Variants in LINGO1 observed in about 807,000 individuals in gnomAD.
The protein encoded by LINGO1 is leucine rich repeat and Ig domain containing 1.
In LINGO1, 11 loss-of-function variants were observed where a neutral mutation model predicts 37.3. The observed-to-expected ratio is 0.29, with a 90% CI of 0.19 to 0.49. LINGO1 has a LOEUF of 0.49. Among genes scored for constraint, LINGO1 ranks in the 20% least tolerant of loss-of-function variants. LINGO1 has a pLI of 0.99. For synonymous variants in LINGO1, 387 were observed against 403.0 expected (o/e 0.96, Z 0.48); for missense variants, 585 against 878.2 (o/e 0.67, Z 4.22).
chr15:77,639,633 G>A (rs1407019267), intron 3 of LINGO1, among the ~76,000 whole-genome samples: 1 of 152,168 alleles, frequency 6.6e-6, no homozygotes, highest in Admixed American at 6.5e-5. Flanking sequence ...GGAATACTAT[G>A]CAGCAGTGAA....
chr15:77,692,410 C>A (rs2075619902), intron 1 of LINGO1, among the ~76,000 whole-genome samples: 1 of 152,324 alleles, frequency 6.6e-6, no homozygotes, highest in African/African-American at 2.4e-5. Context: ...GGAGTGGAAA[C>A]ACGGACGGAG....
chr15:77,725,234 G>A (rs1028874444), intron 2 of LINGO1, among the ~76,000 whole-genome samples: 11 of 152,180 alleles, frequency 7.2e-5, no homozygotes, highest in Admixed American at 5.2e-4. Flanking sequence ...TTTTCCCATC[G>A]GTACTTATTC....
At chr15:77,747,708 C>A (rs909265546) in intron 1 of LINGO1, among the ~76,000 whole-genome samples, 1 of 152,216 alleles carries the variant, frequency 6.6e-6, no homozygotes, top group African/African-American at 2.4e-5. Flanking sequence ...CAGAGCCAGG[C>A]GGGCCCCCGC....
chr15:77,738,791 GGAAGGAAGGAAGGAAGGAAGGAAA>G (rs2076229017), intron 1 of LINGO1, among the ~76,000 whole-genome samples: 1 of 151,814 alleles, frequency 6.6e-6, no homozygotes, highest in Non-Finnish European at 1.5e-5. Context: ...AAGGAAGGAA[GGAAGGAAGGAAGGAAGGAAGGAAA>G]GAAGGAAGGA....
intron 2 of LINGO1, among the ~76,000 whole-genome samples, chr15:77,794,578 ATATATATATATATTTT>A (rs750191890): frequency 0.058 from 1,817 of 31,146 alleles, 174 homozygotes; most frequent in Admixed American, 0.11. Flanking sequence ...ACACATATAT[ATATATATATATATTTT>A]TTTTTTTTTT....
chr15:77,671,477 G>A (rs1326233245), intron 3 of LINGO1, among the ~76,000 whole-genome samples: 2 of 152,222 alleles, frequency 1.3e-5, no homozygotes, highest in Non-Finnish European at 2.9e-5. Flanking sequence ...TTGGGCAGCC[G>A]GTTACCTTCA....
At chr15:77,810,582 C>T (rs1044297741) in intron 1 of LINGO1, among the ~76,000 whole-genome samples, 3 of 152,170 alleles carry the variant, frequency 2.0e-5, no homozygotes, top group African/African-American at 7.2e-5. Flanking sequence ...GACTTATTGC[C>T]AAGGCTCTGC....
intron 2 of LINGO1, among the ~76,000 whole-genome samples, chr15:77,724,843 AC>A (rs1414437726): frequency 6.6e-6 from 1 of 152,120 alleles, no homozygotes; most frequent in African/African-American, 2.4e-5. Flanking sequence ...CCCACAGTCT[AC>A]CTTGGCAGAC....
At chr15:77,660,782 T>C (rs1322972914) in intron 3 of LINGO1, among the ~76,000 whole-genome samples, 1 of 151,420 alleles carries the variant, frequency 6.6e-6, no homozygotes, top group Admixed American at 6.6e-5. Flanking sequence ...GTCTGTAGTT[T>C]TCCCAGTGTC....
intron 3 of LINGO1, among the ~76,000 whole-genome samples, chr15:77,668,778 A>C (rs2075189891): frequency 6.9e-6 from 1 of 145,010 alleles, no homozygotes; most frequent in Non-Finnish European, 1.5e-5. Context: ...TGCCCTGGGG[A>C]GCTCACAGGG....
intron 1 of LINGO1, among the ~76,000 whole-genome samples, chr15:77,742,873 G>A (rs564347837): frequency 6.6e-6 from 1 of 152,272 alleles, no homozygotes; most frequent in East Asian, 1.9e-4. Context: ...TCAGCAGCTA[G>A]GTGTGGACCA....
At position 77,801,592 on chromosome 15, in the gene LINGO1, G is replaced by C. The variant is rs2076919086; in HGVS notation, c.-457-5539C>G. Among the ~76,000 whole-genome samples the C allele has an allele frequency of 2.1e-5, 3 of 142,572 alleles. No homozygotes were observed. The East Asian group carries it at 6.6e-4, about 31-fold the overall frequency. 93.5% of individuals were successfully genotyped at this position (142,572 alleles called of 152,430 possible). The stretch of plus-strand genomic sequence containing the variant: ...AAACAAAATCAATAAAGAGTTAATG[G>C]GTTTTTTTTTTTTAATCCTTCTCAG... On this transcript the variant is annotated intron_variant, in intron 1 of 5. Coordinates refer to the LINGO1 transcript ENST00000562933.
At chr15:77,685,599 T>C (rs2075494426) in intron 2 of LINGO1, among the ~76,000 whole-genome samples, 1 of 151,618 alleles carries the variant, frequency 6.6e-6, no homozygotes, top group Non-Finnish European at 1.5e-5. Context: ...GGCTCACACC[T>C]GTAATCCCAA....
chr15:77,729,418 G>T (rs771011345), intron 2 of LINGO1, among the ~76,000 whole-genome samples: 3 of 152,238 alleles, frequency 2.0e-5, no homozygotes, highest in African/African-American at 7.2e-5. Flanking sequence ...TGCAGACCCA[G>T]CTTAACCCTT....
chr15:77,732,995 T>C (rs951762100), intron 2 of LINGO1, among the ~76,000 whole-genome samples: 3 of 152,108 alleles, frequency 2.0e-5, no homozygotes, highest in Non-Finnish European at 4.4e-5. Flanking sequence ...CCTTCCCAGC[T>C]CTCCCCTGAA....
intron 2 of LINGO1, among the ~76,000 whole-genome samples, chr15:77,793,297 C>T (rs546413194): frequency 7.9e-5 from 12 of 152,306 alleles, no homozygotes; most frequent in Admixed American, 3.3e-4. Context: ...CCTTTCCTCC[C>T]GAACACACAG....
chr15:77,777,463 ACG>A (rs1341222417), intron 1 of LINGO1, among the ~76,000 whole-genome samples: 14,797 of 52,602 alleles, frequency 0.28, 825 homozygotes, highest in Middle Eastern at 0.36. Context: ...ATATACACAC[ACG>A]CACACACACA....
intron 3 of LINGO1, among the ~76,000 whole-genome samples, chr15:77,668,262 T>C (rs2075176084): frequency 6.6e-6 from 1 of 151,916 alleles, no homozygotes; most frequent in Non-Finnish European, 1.5e-5. Flanking sequence ...GAAGCAAATA[T>C]CCTCCCAACC....
At chr15:77,644,736 G>T (rs2074585715) in intron 3 of LINGO1, among the ~76,000 whole-genome samples, 1 of 152,204 alleles carries the variant, frequency 6.6e-6, no homozygotes, top group Non-Finnish European at 1.5e-5. Context: ...AGAAGTGGCT[G>T]CTGTGCCCAT....
Sources: allele counts gnomAD v4.1 joint callset (sites outside exome capture counted in the v4.1 genomes callset), GRCh38; gene constraint gnomAD v4.1.1; transcripts MANE v1.5; gene names NCBI Gene and HGNC (gene_info 2026-07-23, HGNC 2026-07-21).